The following CHST8 variants were observed in gnomAD, a reference collection of about 807,000 sequenced individuals.
The protein encoded by CHST8 is GALNAC-4-ST1.
Under a neutral mutation model 15.0 loss-of-function variants are expected in CHST8, and 10 were observed. The ratio of observed to expected loss-of-function variants is 0.67; its 90% CI spans 0.41 to 1.13. CHST8 has a LOEUF of 1.13. Among genes scored for constraint, CHST8 ranks in the 50% most tolerant of loss-of-function variants. The probability of loss-of-function intolerance (pLI) is 0.00; values close to 1 mark genes in which losing one functional copy is unlikely to be tolerated. For synonymous variants in CHST8, 259 were observed against 256.6 expected (o/e 1.01, Z -0.09); for missense variants, 634 against 608.2 (o/e 1.04, Z -0.45).
intron 1 of CHST8, among the ~76,000 whole-genome samples, chr19:33,657,294 A>G (rs1972523035): frequency 6.9e-6 from 1 of 144,288 alleles, no homozygotes; most frequent in African/African-American, 2.6e-5. Context: ...TTTGAGATGG[A>G]CTCTTGCTCT....
At chr19:33,759,669 A>T (rs1164021859) in intron 3 of CHST8, among the ~76,000 whole-genome samples, 2 of 152,122 alleles carry the variant, frequency 1.3e-5, no homozygotes, top group African/African-American at 4.8e-5. Context: ...GGATGTCTGC[A>T]CTTGGGAGAC....
At chr19:33,696,558 A>G (rs1973221037) in intron 3 of CHST8, among the ~76,000 whole-genome samples, 1 of 152,140 alleles carries the variant, frequency 6.6e-6, no homozygotes, top group East Asian at 1.9e-4. Context: ...CCATGTATAT[A>G]CATTATATAT....
intron 3 of CHST8, among the ~76,000 whole-genome samples, chr19:33,766,574 G>A (rs534670366): frequency 6.6e-6 from 1 of 152,224 alleles, no homozygotes; most frequent in Non-Finnish European, 1.5e-5. Flanking sequence ...AAGCAGCAGG[G>A]CAGAGGCCGG....
chr19:33,764,104 C>G, intron 3 of CHST8, among the ~76,000 whole-genome samples: 1 of 152,214 alleles, frequency 6.6e-6, no homozygotes, highest in East Asian at 1.9e-4. Flanking sequence ...GAACCCTGGG[C>G]CCAGCTTCTG....
intron 3 of CHST8, among the ~76,000 whole-genome samples, chr19:33,710,706 A>G (rs1251898921): frequency 1.3e-5 from 2 of 152,176 alleles, no homozygotes; most frequent in East Asian, 3.9e-4. Context: ...TTTCCAATCA[A>G]TCAATGTTCA....
At chr19:33,744,679 C>G (rs559392537) in intron 3 of CHST8, among the ~76,000 whole-genome samples, 1 of 152,202 alleles carries the variant, frequency 6.6e-6, no homozygotes, top group Non-Finnish European at 1.5e-5. Flanking sequence ...ATCCTTCCAC[C>G]TCAGCCTCCT....
chr19:33,659,602 G>T (rs1311705533), intron 1 of CHST8, among the ~76,000 whole-genome samples: 1 of 152,060 alleles, frequency 6.6e-6, no homozygotes, highest in African/African-American at 2.4e-5. Flanking sequence ...GGCCGAGGTG[G>T]GAGGCCTGCT....
intron 1 of CHST8, among the ~76,000 whole-genome samples, chr19:33,661,867 CAAAAAA>C (rs34236738): frequency 1.2e-3 from 90 of 76,704 alleles, no homozygotes; most frequent in Admixed American, 2.9e-3. Flanking sequence ...TTCATCTTTA[CAAAAAA>C]AAAAAAAAAA....
intron 3 of CHST8, among the ~76,000 whole-genome samples, chr19:33,712,597 C>T (rs1232808301): frequency 6.6e-6 from 1 of 152,144 alleles, no homozygotes; most frequent in Non-Finnish European, 1.5e-5. Flanking sequence ...AGGAACTTGC[C>T]GTTAGTCCAT....
chr19:33,685,671 G>A (rs536887276), intron 2 of CHST8, among the ~76,000 whole-genome samples: 1 of 152,172 alleles, frequency 6.6e-6, no homozygotes, highest in Non-Finnish European at 1.5e-5. Context: ...CTGTGTTTAT[G>A]CCTCATCCCC....
chr19:33,636,393 C>T (rs543311999), intron 1 of CHST8, among the ~76,000 whole-genome samples: 1 of 152,224 alleles, frequency 6.6e-6, no homozygotes, highest in Admixed American at 6.5e-5. Flanking sequence ...AACAACCTGG[C>T]GGCTTCAGGC....
chr19:33,693,901 A>G (rs1973146894), intron 3 of CHST8, among the ~76,000 whole-genome samples: 1 of 151,418 alleles, frequency 6.6e-6, no homozygotes, highest in Non-Finnish European at 1.5e-5. Flanking sequence ...TAGGGGTTAC[A>G]CAGTGGCAAT....
At chr19:33,757,850 C>T (rs958625408) in intron 3 of CHST8, among the ~76,000 whole-genome samples, 2 of 152,148 alleles carry the variant, frequency 1.3e-5, no homozygotes, top group African/African-American at 4.8e-5. Context: ...CACCACCACG[C>T]CAGTATTATG....
chr19:33,623,379 C>G (rs1600220401), intron 1 of CHST8, among the ~76,000 whole-genome samples: 1 of 152,178 alleles, frequency 6.6e-6, no homozygotes, highest in African/African-American at 2.4e-5. Flanking sequence ...TTAAGGGGAA[C>G]GCGCGTCCCG....
intron 1 of CHST8, among the ~76,000 whole-genome samples, chr19:33,652,907 A>G (rs539953344): frequency 1.3e-5 from 2 of 152,358 alleles, no homozygotes; most frequent in African/African-American, 4.8e-5. Context: ...TTAAATAAAA[A>G]TGTCTACTTT....
intron 1 of CHST8, among the ~76,000 whole-genome samples, chr19:33,629,249 C>T (rs1402390996): frequency 1.3e-5 from 2 of 152,202 alleles, no homozygotes; most frequent in African/African-American, 2.4e-5. Context: ...CAGTGGTGGT[C>T]TCCATGTGTG....
intron 1 of CHST8, among the ~76,000 whole-genome samples, chr19:33,646,119 C>A (rs1413564267): frequency 1.3e-5 from 1 of 78,794 alleles, no homozygotes; most frequent in Non-Finnish European, 2.5e-5. Context: ...CAGAGTAAGA[C>A]TCTGTCTCAA....
chr19:33,747,009 C>T (rs1038549040), intron 3 of CHST8, among the ~76,000 whole-genome samples: 1 of 152,160 alleles, frequency 6.6e-6, no homozygotes, highest in Non-Finnish European at 1.5e-5. Flanking sequence ...GACTATATAT[C>T]ATGACATCAG....
intron 3 of CHST8, 100 bp downstream of exon 3, chr19:33,689,491 G>A: frequency 7.4e-7 from 1 of 1,351,388 alleles, no homozygotes; most frequent in Non-Finnish European, 9.7e-7. Flanking sequence ...TGGGGGAAAG[G>A]GGCAAGTCTG....
Sources: gnomAD v4.1 joint callset for allele counts (sites outside exome capture counted in the v4.1 genomes callset) on GRCh38, gnomAD v4.1.1 for gene constraint, MANE v1.5 for transcripts, NCBI Gene and HGNC (gene_info 2026-07-23, HGNC 2026-07-21) for gene names.